The following KAZN variants were observed in gnomAD, a reference collection of about 807,000 sequenced individuals.
The protein encoded by KAZN is kazrin.
KAZN carries 40 observed loss-of-function variants against 87.4 expected under a neutral mutation model. That is an observed-to-expected ratio of 0.46 (90% CI 0.36 to 0.60). The LOEUF (loss-of-function observed/expected upper bound fraction) is 0.60. KAZN is among the 20% of genes least tolerant of loss of function. The probability of loss-of-function intolerance (pLI) is 0.00; values close to 1 mark genes in which losing one functional copy is unlikely to be tolerated. For missense variants in KAZN, 898 were observed against 1,073.9 expected (o/e 0.84, Z 2.29); for synonymous variants, 466 against 458.3 (o/e 1.02, Z -0.22).
chr1:14,751,801 C>T (rs1644419239), intron 1 of KAZN, among the ~76,000 whole-genome samples: 1 of 152,198 alleles, frequency 6.6e-6, no homozygotes, highest in Admixed American at 6.5e-5. Flanking sequence ...CACCTTTTCC[C>T]AACAGTCCTA....
At chr1:14,387,531 A>C (rs1233825534) in intron 2 of KAZN, among the ~76,000 whole-genome samples, 2 of 152,142 alleles carry the variant, frequency 1.3e-5, no homozygotes, top group East Asian at 3.9e-4. Flanking sequence ...TCCTTCTAAC[A>C]GACAGGACCC....
chr1:14,906,822 T>A lies in KAZN; in HGVS notation c.227-53862T>A, dbSNP rs866723165. On this transcript the variant is annotated intron_variant, in intron 1 of 14. Coordinates refer to ENST00000376030, the MANE Select transcript of KAZN (RefSeq NM_201628.3). ...ACACAGAAGATGTGGGTCAAATTAT[T>A]CAATTTGGCGGGCCCTCTGATGAAT... is the stretch of plus-strand genomic sequence containing the variant. Among the ~76,000 whole-genome samples, 65 of 150,706 alleles carry A rather than the reference T, an allele frequency of 4.3e-4. 1 individual carries two copies. The highest frequency in any genetic ancestry group is 1.3e-4 in the Admixed American group (2 of 15,012).
intron 12 of KAZN, 56 bp from the exon 13 acceptor site, chr1:15,103,967 C>T: frequency 1.3e-6 from 2 of 1,565,022 alleles, no homozygotes; most frequent in South Asian, 1.2e-5. Context: ...CTGGGGCCCC[C>T]TTAGGCCAGC....
intron 1 of KAZN, among the ~76,000 whole-genome samples, chr1:14,046,421 G>A (rs1258992652): frequency 1.8e-5 from 1 of 55,222 alleles, no homozygotes; most frequent in East Asian, 3.9e-4. Context: ...TATTACCAGA[G>A]CAAAGCAAAA....
At chr1:14,808,463 A>ATT (rs1209244625) in intron 1 of KAZN, among the ~76,000 whole-genome samples, 3 of 142,716 alleles carry the variant, frequency 2.1e-5, no homozygotes, top group African/African-American at 5.1e-5. Context: ...CGGTCGGCTA[A>ATT]TTTTTTTTTT....
intron 2 of KAZN, among the ~76,000 whole-genome samples, chr1:14,526,914 T>C (rs959470496): frequency 4.6e-5 from 7 of 152,242 alleles, no homozygotes; most frequent in African/African-American, 1.7e-4. Context: ...GGAGATGTTA[T>C]AGTGCGGAGT....
intron 1 of KAZN, among the ~76,000 whole-genome samples, chr1:14,891,501 G>A (rs1572747051): frequency 6.6e-6 from 1 of 152,266 alleles, no homozygotes; most frequent in Non-Finnish European, 1.5e-5. Context: ...TCCTTTTTAT[G>A]GCTGAGTAGT....
chr1:14,307,777 A>T (rs1366066918), intron 2 of KAZN, among the ~76,000 whole-genome samples: 1 of 152,196 alleles, frequency 6.6e-6, no homozygotes, highest in Admixed American at 6.5e-5. Flanking sequence ...TAGGGAGTGA[A>T]TGTTTGATGA....
intron 1 of KAZN, among the ~76,000 whole-genome samples, chr1:14,844,095 C>T (rs1184040027): frequency 1.3e-5 from 2 of 152,172 alleles, no homozygotes; most frequent in African/African-American, 4.8e-5. Context: ...CAAATGTATG[C>T]TTTGAGCTCT....
intron 2 of KAZN, among the ~76,000 whole-genome samples, chr1:14,268,882 C>T (rs1476989045): frequency 6.6e-6 from 1 of 152,248 alleles, no homozygotes; most frequent in African/African-American, 2.4e-5. Context: ...CAACTTCCAT[C>T]ATTTTTCAAA....
At chr1:15,044,600 C>G (rs752455676) in intron 4 of KAZN, among the ~76,000 whole-genome samples, 2 of 151,838 alleles carry the variant, frequency 1.3e-5, no homozygotes, top group Non-Finnish European at 2.9e-5. Context: ...AAAAATTAGC[C>G]AGGCCTGGTA....
chr1:13,893,694 C>A, exon 1 of KAZN: 1 of 1,550,548 alleles, frequency 6.4e-7, no homozygotes, highest in Non-Finnish European at 8.7e-7. Flanking sequence ...ACATCCAATT[C>A]TGCCACAGGC....
chr1:14,883,375 GAAAGAAAGAAAGAAAGAAAGAAA>G, intron 1 of KAZN, among the ~76,000 whole-genome samples: 1 of 104,030 alleles, frequency 9.6e-6, no homozygotes, highest in East Asian at 3.8e-4. Context: ...AAGAAAGAAA[GAAAGAAAGAAAGAAAGAAAGAAA>G]GAAAGAAAGA....
At chr1:14,844,714 C>A (rs909839) in intron 1 of KAZN, among the ~76,000 whole-genome samples, 2,697 of 151,138 alleles carry the variant, frequency 0.018, 78 homozygotes, top group African/African-American at 0.062. Context: ...TCAGTCTCTT[C>A]TTGGCTTCCA....
intron 1 of KAZN, among the ~76,000 whole-genome samples, chr1:14,644,355 G>GT (rs149320583): frequency 0.08 from 10,959 of 136,280 alleles, 601 homozygotes; most frequent in African/African-American, 0.16. Flanking sequence ...TTGTAAATTT[G>GT]TTTTTTTTTT....
In KAZN at chr1:14,569,894, C is replaced by T. The variant is rs186537571; in HGVS notation, c.250-29089C>T. On this transcript the variant is annotated intron_variant, in intron 2 of 16. Coordinates refer to the KAZN transcript ENST00000636203. ...TTGGGAGGCCGAGGTGGGTGGATCA[C>T]AAGGTTAGGAGATCGAGACTGTCCT... Among the ~76,000 whole-genome samples the T allele has an allele frequency of 1.0e-3, 158 of 151,730 alleles. 2 individuals are homozygous for T. In the Middle Eastern group the frequency reaches 0.014, roughly 13 times the overall value.
At position 14,218,095 on chromosome 1, in the gene KAZN, A is replaced by G. The variant is rs928334208; in HGVS notation, c.249+37503A>G. Among the ~76,000 whole-genome samples the G allele has an allele frequency of 7.2e-5, 11 of 152,254 alleles. 1 individual carries two copies. In the South Asian group the frequency reaches 2.3e-3, roughly 32 times the overall value. On this transcript the variant is annotated intron_variant, in intron 2 of 16. Coordinates refer to the KAZN transcript ENST00000636203. ...CAGCTTGATACTGAGTGCTATATAT[A>G]TTTATAGTAGAAGAATTGCTAATGC...
intron 2 of KAZN, among the ~76,000 whole-genome samples, chr1:14,510,883 ACT>A (rs1670865097): frequency 6.6e-6 from 1 of 152,092 alleles, no homozygotes; most frequent in Non-Finnish European, 1.5e-5. Context: ...ATCAAGGATG[ACT>A]CTGAACAATT....
chr1:14,382,868 G>A (rs1170039697), intron 2 of KAZN, among the ~76,000 whole-genome samples: 3 of 152,050 alleles, frequency 2.0e-5, no homozygotes, highest in Non-Finnish European at 2.9e-5. Context: ...GGTGTTTCTA[G>A]TTCTAGATCC....
Sources: allele counts gnomAD v4.1 joint callset (sites outside exome capture counted in the v4.1 genomes callset), GRCh38; gene constraint gnomAD v4.1.1; transcripts MANE v1.5; gene names NCBI Gene and HGNC (gene_info 2026-07-23, HGNC 2026-07-21).